Variants in DMD observed in about 807,000 individuals in gnomAD.
The protein encoded by DMD is dystrophin, also known as mutant dystrophin.
In DMD, 63 loss-of-function variants were observed where a neutral mutation model predicts 330.1. The ratio of observed to expected loss-of-function variants is 0.19; its 90% CI spans 0.16 to 0.24. DMD has a LOEUF of 0.24. Ranked by LOEUF, DMD falls within the 10% of genes least tolerant of loss-of-function variation. The pLI, the probability that DMD is intolerant of heterozygous loss-of-function variation, is 1.00. For synonymous variants in DMD, 1,223 were observed against 959.8 expected (o/e 1.27, Z -5.07); for missense variants, 3,344 against 2,684.1 (o/e 1.25, Z -5.43).
intron 11 of DMD, chrX:32,641,428 A>G: frequency 8.3e-6 from 1 of 120,390 alleles, no homozygotes; most frequent in Non-Finnish European, 1.8e-5. Flanking sequence ...ATATATATAT[A>G]TATATATATC....
At chrX:32,863,866 T>C (rs1468389389) in intron 2 of DMD, among the ~76,000 whole-genome samples, 3 of 112,327 alleles carry the variant, frequency 2.7e-5, no homozygotes, top group African/African-American at 9.7e-5. Context: ...TACTGGGAAG[T>C]CATCCTTGGT....
At chrX:31,203,292 AAAAAAAAAAAAAGGAAAGAG>A in intron 67 of DMD, among the ~76,000 whole-genome samples, 1 of 66,527 alleles carries the variant, frequency 1.5e-5, no homozygotes, top group East Asian at 5.6e-4. Flanking sequence ...AAAAAAGAAA[AAAAAAAAAAAAAGGAAAGAG>A]AAAAAAAAAT....
rs1193302041 is a variant in DMD, at chrX:31,522,325, T to TTCTCTCTCTCTCTCTC, written c.8218-14888_8218-14873dup. Among the ~76,000 whole-genome samples, 22 of 51,323 alleles carry TTCTCTCTCTCTCTCTC rather than the reference T, an allele frequency of 4.3e-4. 1 individual carries two copies. The highest frequency in any genetic ancestry group is 1.2e-3 in the Admixed American group (4 of 3,455). The allele number at this position is 51,323 out of a possible 115,157, so 44.6% of individuals were successfully genotyped here. A position where few individuals can be genotyped will look rare whatever the true frequency, so the allele number is the denominator to read the frequency against. On this transcript the variant is annotated intron_variant, in intron 55 of 78. Transcript: ENST00000357033. ...AGAGACAGAGTGGTAAGATCAAAAT[T>TTCTCTCTCTCTCTCTC]TCTCTCTCTCTCTCTCTCTCTCTCT...
chrX:31,641,805 T>C (rs564676946), intron 54 of DMD, among the ~76,000 whole-genome samples: 1 of 112,262 alleles, frequency 8.9e-6, no homozygotes, highest in Non-Finnish European at 1.9e-5. Flanking sequence ...GTTTTAATCA[T>C]TTTGCAGGAA....
Position 32,935,031 on chromosome X carries a change from C to T in DMD, c.93+85108G>A, listed in dbSNP as rs187381562. The stretch of plus-strand genomic sequence containing the variant: ...GTGAGTGCACTTCCCCAGGCTGGAG[C>T]GCAGTGGCGCGATCTCGGCTCACTG... On this transcript the variant is annotated intron_variant, in intron 2 of 78. Coordinates refer to ENST00000357033, the MANE Select transcript of DMD (RefSeq NM_004006.3). Among the ~76,000 whole-genome samples, 837 of 113,011 alleles carry T rather than the reference C, an allele frequency of 7.4e-3. 4 individuals carry two copies. Among genetic ancestry groups the T allele is most frequent in the Non-Finnish European group, 8.7e-3 (462 of 53,315 alleles).
chrX:31,225,833 C>G (rs1237738043), intron 63 of DMD, among the ~76,000 whole-genome samples: 3 of 111,994 alleles, frequency 2.7e-5, no homozygotes, highest in African/African-American at 9.7e-5. Flanking sequence ...CTGTGAGCCT[C>G]TCACACCAAG....
intron 61 of DMD, among the ~76,000 whole-genome samples, chrX:31,334,924 G>C (rs1311593865): frequency 9.0e-6 from 1 of 111,123 alleles, no homozygotes; most frequent in African/African-American, 3.3e-5. Context: ...TACTTTTACT[G>C]TTTCCTCCAC....
At chrX:31,978,120 C>G (rs2095449605) in intron 44 of DMD, among the ~76,000 whole-genome samples, 1 of 111,672 alleles carries the variant, frequency 9.0e-6, no homozygotes, top group African/African-American at 3.2e-5. Flanking sequence ...TCTTAGGCTA[C>G]CACGTAGCAT....
At chrX:31,706,453 C>A (rs2084199688) in intron 52 of DMD, among the ~76,000 whole-genome samples, 1 of 111,656 alleles carries the variant, frequency 9.0e-6, no homozygotes, top group South Asian at 3.7e-4. Flanking sequence ...AAATCTCTAA[C>A]CTGATTTTCT....
In DMD at chrX:32,769,047, GA is replaced by G. The variant is rs751852317; in HGVS notation, c.649+40445del. Among the ~76,000 whole-genome samples the G allele has an allele frequency of 1.2e-4, 13 of 110,846 alleles. No homozygotes were observed. The East Asian group carries it at 3.7e-3, about 31-fold the overall frequency. The stretch of plus-strand genomic sequence containing the variant: ...GCTTCCCCCTCTTCAATGGCTATAT[GA>G]AAAAACAAAAAAACAAAAAACATCA... On this transcript the variant is annotated intron_variant, in intron 7 of 78. Transcript: ENST00000357033.
At chrX:31,809,410 C>T (rs1446982411) in intron 50 of DMD, among the ~76,000 whole-genome samples, 1 of 108,122 alleles carries the variant, frequency 9.2e-6, no homozygotes, top group Non-Finnish European at 1.9e-5. Context: ...GATAATTATT[C>T]CAGAAGTAGG....
intron 43 of DMD, among the ~76,000 whole-genome samples, chrX:32,275,619 A>G (rs1262092390): frequency 8.9e-6 from 1 of 112,205 alleles, no homozygotes; most frequent in East Asian, 2.8e-4. Context: ...GTGTCAGTTT[A>G]TAAGAACATT....
chrX:32,514,162 A>C (rs1416131766), intron 18 of DMD, among the ~76,000 whole-genome samples: 1 of 107,470 alleles, frequency 9.3e-6, no homozygotes, highest in Non-Finnish European at 1.9e-5. Flanking sequence ...ATAGTCAGTG[A>C]TGCTGCTGAG....
At chrX:31,350,286 T>C (rs2058321294) in intron 60 of DMD, among the ~76,000 whole-genome samples, 1 of 111,486 alleles carries the variant, frequency 9.0e-6, no homozygotes, top group Non-Finnish European at 1.9e-5. Context: ...CCCAGATCAA[T>C]GCTGTTAGTG....
rs761467010 is a variant in DMD at position 32,787,858 on chromosome X, G to C, written c.649+21635C>G. On this transcript the variant is annotated intron_variant, in intron 7 of 78. Coordinates refer to ENST00000357033, the MANE Select transcript of DMD (RefSeq NM_004006.3). ...GCAGGCAAAATAACTGGAAAGATCAGTTTTCCCTACAGGAGTATAAAGGGA... is the reference window on the plus strand; with the variant it reads ...GCAGGCAAAATAACTGGAAAGATCACTTTTCCCTACAGGAGTATAAAGGGA... Among the ~76,000 whole-genome samples the C allele has an allele frequency of 2.3e-4, 26 of 110,845 alleles. 1 individual carries two copies. In the South Asian group the frequency reaches 9.9e-3, roughly 42 times the overall value.
intron 50 of DMD, among the ~76,000 whole-genome samples, chrX:31,818,764 C>T (rs1178691267): frequency 9.1e-6 from 1 of 109,940 alleles, no homozygotes; most frequent in Non-Finnish European, 1.9e-5. Context: ...AACCATAATG[C>T]TTAAGTCTCC....
intron 61 of DMD, among the ~76,000 whole-genome samples, chrX:31,344,653 A>G (rs1378326427): frequency 1.8e-5 from 2 of 110,439 alleles, no homozygotes; most frequent in African/African-American, 6.6e-5. Flanking sequence ...GTTCGAGACC[A>G]GCCTGGCCAA....
chrX:32,179,480 G>A (rs1371743572), intron 44 of DMD, among the ~76,000 whole-genome samples: 2 of 112,163 alleles, frequency 1.8e-5, no homozygotes, highest in Non-Finnish European at 3.8e-5. Flanking sequence ...GTCAATGATA[G>A]ATGGCCATTT....
intron 2 of DMD, among the ~76,000 whole-genome samples, chrX:32,868,133 C>T (rs1355360161): frequency 1.8e-5 from 2 of 111,714 alleles, no homozygotes; most frequent in Non-Finnish European, 3.8e-5. Context: ...ACAAGGGAAG[C>T]TCCCACTCCC....
Sources: gnomAD v4.1 joint callset for allele counts (sites outside exome capture counted in the v4.1 genomes callset) on GRCh38, gnomAD v4.1.1 for gene constraint, MANE v1.5 for transcripts, NCBI Gene and HGNC (gene_info 2026-07-23, HGNC 2026-07-21) for gene names.